Variants in LRFN5 observed in about 807,000 individuals in gnomAD.
LRFN5 encodes leucine-rich repeat and fibronectin type-III domain-containing protein 5.
Under a neutral mutation model 45.6 loss-of-function variants are expected in LRFN5, and 24 were observed. That is an observed-to-expected ratio of 0.53 (90% CI 0.38 to 0.74). LRFN5 has a LOEUF of 0.74. LRFN5 is among the 30% of genes least tolerant of loss of function. The probability of loss-of-function intolerance (pLI) is 0.00; values close to 1 mark genes in which losing one functional copy is unlikely to be tolerated. For synonymous variants in LRFN5, 340 were observed against 313.8 expected (o/e 1.08, Z -0.88); for missense variants, 776 against 861.5 (o/e 0.90, Z 1.24).
intron 2 of LRFN5, among the ~76,000 whole-genome samples, chr14:41,882,252 C>T (rs574134407): frequency 1.2e-3 from 175 of 151,936 alleles, no homozygotes; most frequent in African/African-American, 4.2e-3. Flanking sequence ...CTTTTGGCTG[C>T]ACCTACCCCA....
At position 41,856,677 on chromosome 14, in the gene LRFN5, T is replaced by TATTA. The variant is rs1555326983; in HGVS notation, c.-20-29929_-20-29928insATTA. 3.7e-3 allele frequency among the ~76,000 whole-genome samples: 53 copies of TATTA among 14,376 alleles called. 2 individuals are homozygous for TATTA. In the East Asian group the frequency reaches 0.074, roughly 20 times the overall value. 9.4% of individuals were successfully genotyped at this position (14,376 alleles called of 152,430 possible). Reference sequence around the variant, plus strand: ...CTTTCCTAATTATTATTATTATTATTTTTTTTTTTTTTTTTTTGAGACGGA... The same window carrying TATTA: ...CTTTCCTAATTATTATTATTATTATTATTATTTTTTTTTTTTTTTTTGAGACGGA... On this transcript the variant is annotated intron_variant, in intron 2 of 5. Transcript: ENST00000298119.
intron 1 of LRFN5, among the ~76,000 whole-genome samples, chr14:41,613,254 T>A (rs1344403719): frequency 6.6e-6 from 1 of 152,038 alleles, no homozygotes; most frequent in African/African-American, 2.4e-5. Flanking sequence ...AGAAAATATG[T>A]CTTCTTTGGG....
intron 2 of LRFN5, among the ~76,000 whole-genome samples, chr14:41,810,330 C>T (rs534431128): frequency 1.6e-4 from 24 of 152,084 alleles, no homozygotes; most frequent in Non-Finnish European, 3.4e-4. Flanking sequence ...CCAGGAAGAC[C>T]ATAGCTACTT....
At chr14:41,738,350 A>G (rs572113770) in intron 1 of LRFN5, among the ~76,000 whole-genome samples, 1 of 152,332 alleles carries the variant, frequency 6.6e-6, no homozygotes, top group African/African-American at 2.4e-5. Context: ...TTAACTCAAG[A>G]TGGATTAAAG....
At chr14:41,670,314 C>CAGAA (rs1881142942) in intron 1 of LRFN5, among the ~76,000 whole-genome samples, 1 of 110,870 alleles carries the variant, frequency 9.0e-6, no homozygotes, top group Non-Finnish European at 1.8e-5. Flanking sequence ...TACACACACA[C>CAGAA]AGAAAGAACC....
Position 41,608,973 on chromosome 14 carries a change from TCTTTTCTACC to T in LRFN5, c.-197+422_-197+431del, listed in dbSNP as rs1272384467. ...TTCCACCCATCATTTAAACCAAAGA[TCTTTTCTACC>T]CTTTTCTACCTCTGGTGCCAGGTTG... is the stretch of plus-strand genomic sequence containing the variant. On this transcript the variant is annotated intron_variant, in intron 1 of 5. Coordinates refer to ENST00000298119, the MANE Select transcript of LRFN5 (RefSeq NM_152447.5). Among the ~76,000 whole-genome samples the T allele has an allele frequency of 5.9e-5, 9 of 152,336 alleles. No homozygotes were observed. The South Asian group carries it at 1.4e-3, about 25-fold the overall frequency.
At chr14:41,772,357 AG>A (rs1886121259) in intron 2 of LRFN5, among the ~76,000 whole-genome samples, 1 of 152,240 alleles carries the variant, frequency 6.6e-6, no homozygotes, top group Non-Finnish European at 1.5e-5. Flanking sequence ...TAATATCCTT[AG>A]GTATATACTT....
chr14:41,770,835 G>A (rs1886057299), intron 2 of LRFN5, among the ~76,000 whole-genome samples: 1 of 152,144 alleles, frequency 6.6e-6, no homozygotes, highest in Admixed American at 6.5e-5. Flanking sequence ...TCCTGGTGGA[G>A]ACTCTGTATG....
chr14:41,701,748 A>C (rs17112195), intron 1 of LRFN5, among the ~76,000 whole-genome samples: 6,760 of 152,214 alleles, frequency 0.044, 488 homozygotes, highest in African/African-American at 0.15. Context: ...GTTGTTGAGA[A>C]GGCTCAGGAT....
intron 2 of LRFN5, among the ~76,000 whole-genome samples, chr14:41,823,811 C>T (rs151090150): frequency 0.013 from 2,030 of 152,240 alleles, 17 homozygotes; most frequent in Non-Finnish European, 0.018. Context: ...ATACCCATGA[C>T]TCATAGTTTT....
At chr14:41,805,996 T>C (rs1887513080) in intron 2 of LRFN5, among the ~76,000 whole-genome samples, 1 of 152,266 alleles carries the variant, frequency 6.6e-6, no homozygotes, top group East Asian at 1.9e-4. Flanking sequence ...CAGTTGCAAA[T>C]TTCCCCCACA....
intron 1 of LRFN5, among the ~76,000 whole-genome samples, chr14:41,640,395 T>C (rs1217833032): frequency 2.6e-5 from 4 of 152,224 alleles, no homozygotes; most frequent in African/African-American, 9.6e-5. Flanking sequence ...CAAAGAACCA[T>C]ATATTCGTGT....
At position 41,607,851 on chromosome 14, in the gene LRFN5, A is replaced by T. The variant is rs1887558488; in HGVS notation, c.-908A>T. ...ACACCTTCTTCTCTTGGCCAGAAGG[A>T]TATTTACGTTTTGGTTCACAGCATT... is the stretch of plus-strand genomic sequence containing the variant. On this transcript the variant is annotated 5_prime_UTR_variant, in exon 1 of 6. Coordinates refer to ENST00000298119, the MANE Select transcript of LRFN5 (RefSeq NM_152447.5). 1 of 152,198 alleles carries T rather than the reference A, an allele frequency of 6.6e-6. No homozygotes were observed. The highest frequency in any genetic ancestry group is 2.4e-5 in the African/African-American group (1 of 41,440). The allele number at this position is 152,198 out of a possible 1,614,324, so 9.4% of individuals were successfully genotyped here.
chr14:41,626,100 G>C (rs1454793321), intron 1 of LRFN5, among the ~76,000 whole-genome samples: 1 of 151,980 alleles, frequency 6.6e-6, no homozygotes, highest in Non-Finnish European at 1.5e-5. Context: ...AGGGTCAAAT[G>C]ATATTCAACT....
intron 1 of LRFN5, among the ~76,000 whole-genome samples, chr14:41,611,582 A>C (rs1887759214): frequency 6.6e-6 from 1 of 152,204 alleles, no homozygotes; most frequent in African/African-American, 2.4e-5. Flanking sequence ...GATAGGTGAA[A>C]AGAAGTTGTC....
At chr14:41,793,081 T>C (rs1886988881) in intron 2 of LRFN5, among the ~76,000 whole-genome samples, 2 of 151,516 alleles carry the variant, frequency 1.3e-5, no homozygotes, top group African/African-American at 4.9e-5. Context: ...CGCACCAGCA[T>C]GGCACATGTA....
intron 1 of LRFN5, among the ~76,000 whole-genome samples, chr14:41,755,590 C>G (rs1405993812): frequency 1.3e-5 from 2 of 152,054 alleles, no homozygotes; most frequent in African/African-American, 2.4e-5. Flanking sequence ...ATTGCAACCC[C>G]TGCCTTTTTT....
intron 2 of LRFN5, among the ~76,000 whole-genome samples, chr14:41,774,190 A>G (rs1886195016): frequency 6.6e-6 from 1 of 152,256 alleles, no homozygotes; most frequent in African/African-American, 2.4e-5. Context: ...AGCATTGGCT[A>G]TGAAAACCAA....
At chr14:41,901,577 C>A (rs1891103236) in intron 5 of LRFN5, among the ~76,000 whole-genome samples, 2 of 151,814 alleles carry the variant, frequency 1.3e-5, no homozygotes, top group South Asian at 2.1e-4. Flanking sequence ...CATTTAATAA[C>A]AAGCAAAAGT....
Sources: allele counts gnomAD v4.1 joint callset (sites outside exome capture counted in the v4.1 genomes callset), GRCh38; gene constraint gnomAD v4.1.1; transcripts MANE v1.5; gene names NCBI Gene and HGNC (gene_info 2026-07-23, HGNC 2026-07-21).